MGAT4C: variants seen among roughly 807,000 people sequenced by gnomAD.
MGAT4C encodes MGAT4 family member C, also known as alpha-1,3-mannosyl-glycoprotein 4-beta-N-acetylglucosaminyltransferase C.
In MGAT4C, 19 loss-of-function variants were observed where a neutral mutation model predicts 40.1. The ratio of observed to expected loss-of-function variants is 0.47; its 90% CI spans 0.33 to 0.70. The LOEUF (loss-of-function observed/expected upper bound fraction) is 0.70. MGAT4C is among the 30% of genes least tolerant of loss of function. MGAT4C has a pLI of 0.02. For synonymous variants in MGAT4C, 181 were observed against 187.1 expected (o/e 0.97, Z 0.27); for missense variants, 491 against 563.2 (o/e 0.87, Z 1.30).
rs1361175842 is a variant in MGAT4C, at chr12:86,537,053, T to C, written c.-228-101788A>G. 5.3e-5 allele frequency among the ~76,000 whole-genome samples: 8 copies of C among 152,070 alleles called. No individual in the cohort carries two copies. The South Asian group carries it at 1.7e-3, about 31-fold the overall frequency. On this transcript the variant is annotated intron_variant, in intron 2 of 7. Transcript: ENST00000548651. ...CTATGCAGCCATAAAAAATGATGAGTTCATGTCCTTTGTAGGGAGGACATG... is the reference window on the plus strand; with the variant it reads ...CTATGCAGCCATAAAAAATGATGAGCTCATGTCCTTTGTAGGGAGGACATG...
In MGAT4C at chr12:85,978,529, C is replaced by A. The variant is rs554130352; in HGVS notation, c.*760G>T. 1 of 151,246 alleles carries A rather than the reference C, an allele frequency of 6.6e-6. No individual in the cohort carries two copies. Among genetic ancestry groups the A allele is most frequent in the African/African-American group, 2.4e-5 (1 of 41,154 alleles). The allele number at this position is 151,246 out of a possible 1,614,324, so 9.4% of individuals were successfully genotyped here. ...TACTATAGGCCTTCCCTAATTTATTCTATTAAATGTGGGTACTCAATGTAA... is the reference window on the plus strand; with the variant it reads ...TACTATAGGCCTTCCCTAATTTATTATATTAAATGTGGGTACTCAATGTAA... On this transcript the variant is annotated 3_prime_UTR_variant, in exon 5 of 5. Transcript: ENST00000611864.
At position 86,764,306 on chromosome 12, in the gene MGAT4C, G is replaced by T. The variant is rs1164970248; in HGVS notation, c.-261-37065C>A. 2.0e-5 allele frequency among the ~76,000 whole-genome samples: 3 copies of T among 152,100 alleles called. No individual in the cohort carries two copies. In the East Asian group the frequency reaches 5.8e-4, roughly 30 times the overall value. On this transcript the variant is annotated intron_variant, in intron 1 of 7. Coordinates refer to the MGAT4C transcript ENST00000548651. ...CAAACTGCAAGGCGGCAGCGAGGCT[G>T]GGGGAGGGGTGCCCGCCATTGCCCA... is the stretch of plus-strand genomic sequence containing the variant.
intron 2 of MGAT4C, among the ~76,000 whole-genome samples, chr12:86,641,060 G>A (rs560000092): frequency 4.6e-4 from 69 of 151,356 alleles, no homozygotes; most frequent in East Asian, 1.2e-3. Context: ...GGTGTGGTGC[G>A]GAAAAAAATG....
intron 2 of MGAT4C, among the ~76,000 whole-genome samples, chr12:86,039,332 TCTC>T (rs2136931849): frequency 6.6e-6 from 1 of 152,292 alleles, no homozygotes; most frequent in African/African-American, 2.4e-5. Context: ...TGGGTTCCAT[TCTC>T]CTCATCACTT....
At chr12:86,274,996 T>C (rs1005611951) in intron 4 of MGAT4C, among the ~76,000 whole-genome samples, 1 of 152,164 alleles carries the variant, frequency 6.6e-6, no homozygotes, top group South Asian at 2.1e-4. Flanking sequence ...CCCACAGACA[T>C]TTTAGCATTG....
chr12:86,117,682 G>A (rs1280934307), intron 1 of MGAT4C, among the ~76,000 whole-genome samples: 2 of 152,142 alleles, frequency 1.3e-5, no homozygotes, highest in African/African-American at 4.8e-5. Context: ...TGGCATCATT[G>A]AGAAGGAGAG....
At chr12:86,740,666 G>C (rs1039424189) in intron 1 of MGAT4C, among the ~76,000 whole-genome samples, 1 of 151,068 alleles carries the variant, frequency 6.6e-6, no homozygotes, top group African/African-American at 2.4e-5. Context: ...AGAATTCACA[G>C]GATTTCAGAA....
intron 1 of MGAT4C, among the ~76,000 whole-genome samples, chr12:86,132,435 C>T (rs904384170): frequency 6.6e-6 from 1 of 152,040 alleles, no homozygotes; most frequent in Admixed American, 6.6e-5. Flanking sequence ...ACTTCTTCCA[C>T]AATCTTATGA....
intron 2 of MGAT4C, among the ~76,000 whole-genome samples, chr12:86,686,163 G>A (rs1950069272): frequency 6.6e-6 from 1 of 151,938 alleles, no homozygotes; most frequent in Admixed American, 6.6e-5. Flanking sequence ...ACAGGGGTGA[G>A]CCACTGCACC....
chr12:86,114,226 T>G (rs1275600386), intron 1 of MGAT4C, among the ~76,000 whole-genome samples: 1 of 151,894 alleles, frequency 6.6e-6, no homozygotes, highest in African/African-American at 2.4e-5. Flanking sequence ...CTCTGGCTTC[T>G]TCTTTTGGTA....
chr12:86,746,593 T>C (rs1325826838), intron 1 of MGAT4C, among the ~76,000 whole-genome samples: 1 of 151,704 alleles, frequency 6.6e-6, no homozygotes, highest in East Asian at 1.9e-4. Flanking sequence ...ACTGAAATAC[T>C]AAACTTCAAA....
intron 2 of MGAT4C, among the ~76,000 whole-genome samples, chr12:86,048,850 A>C (rs1261381396): frequency 6.6e-6 from 1 of 152,104 alleles, no homozygotes; most frequent in Non-Finnish European, 1.5e-5. Flanking sequence ...AGTTGTTACA[A>C]TGAAAACAAT....
intron 3 of MGAT4C, among the ~76,000 whole-genome samples, chr12:86,383,778 G>T (rs1009971798): frequency 6.6e-6 from 1 of 152,036 alleles, no homozygotes; most frequent in Non-Finnish European, 1.5e-5. Flanking sequence ...TGAAACTTTG[G>T]AATGTAGACT....
chr12:86,236,956 G>A (rs989803474), intron 1 of MGAT4C, among the ~76,000 whole-genome samples: 12 of 151,160 alleles, frequency 7.9e-5, no homozygotes, highest in South Asian at 2.1e-4. Context: ...AAAATGTATC[G>A]TATGTCCCGT....
intron 3 of MGAT4C, among the ~76,000 whole-genome samples, chr12:86,353,081 A>G (rs893210544): frequency 1.9e-4 from 28 of 151,296 alleles, no homozygotes; most frequent in Non-Finnish European, 4.4e-5. Flanking sequence ...AAAGAAAGAG[A>G]TCCAGAATCT....
At chr12:86,333,893 C>T (rs112711763) in intron 4 of MGAT4C, among the ~76,000 whole-genome samples, 1 of 152,060 alleles carries the variant, frequency 6.6e-6, no homozygotes, top group Non-Finnish European at 1.5e-5. Flanking sequence ...TTCTTTTAAA[C>T]TAAACAGTAA....
intron 1 of MGAT4C, among the ~76,000 whole-genome samples, chr12:86,732,056 A>T (rs1354688241): frequency 1.3e-5 from 2 of 152,106 alleles, no homozygotes; most frequent in East Asian, 3.9e-4. Context: ...ATTTTCAGCC[A>T]CCACTGGACA....
In MGAT4C at chr12:86,412,821, A is replaced by C. The variant is rs111293927; in HGVS notation, c.-120+22336T>G. Among the ~76,000 whole-genome samples the C allele has an allele frequency of 5.8e-3, 881 of 152,260 alleles. 7 individuals are homozygous for C. The highest frequency in any genetic ancestry group is 0.02 in the African/African-American group (845 of 41,544). ...TTGTGTCCCTACCCAAATCTCATGT[A>C]TGAATTTTAATCCTCAGTGTTAGAG... On this transcript the variant is annotated intron_variant, in intron 3 of 7. Coordinates refer to the MGAT4C transcript ENST00000548651.
intron 4 of MGAT4C, among the ~76,000 whole-genome samples, chr12:86,271,535 A>G (rs776239818): frequency 4.6e-5 from 7 of 152,214 alleles, no homozygotes; most frequent in Admixed American, 6.5e-5. Context: ...AGATGTGGAA[A>G]AAAGGGAACA....
Sources: allele counts gnomAD v4.1 joint callset (sites outside exome capture counted in the v4.1 genomes callset), GRCh38; gene constraint gnomAD v4.1.1; transcripts MANE v1.5; gene names NCBI Gene and HGNC (gene_info 2026-07-23, HGNC 2026-07-21).